GRM1: variants seen among roughly 807,000 people sequenced by gnomAD.
GRM1 encodes the protein metabotropic glutamate receptor 1.
GRM1 carries 33 observed loss-of-function variants against 90.9 expected under a neutral mutation model. The observed-to-expected ratio is 0.36, with a 90% CI of 0.28 to 0.49. The LOEUF (loss-of-function observed/expected upper bound fraction) is 0.49, where lower values mean the gene tolerates loss of function less well. GRM1 is among the 20% of genes least tolerant of loss of function. The pLI is 0.99. For missense variants in GRM1, 1,190 were observed against 1,534.3 expected (o/e 0.78, Z 3.75); for synonymous variants, 700 against 613.2 (o/e 1.14, Z -2.09).
At chr6:146,167,051 G>T (rs1777935352) in intron 2 of GRM1, among the ~76,000 whole-genome samples, 1 of 152,062 alleles carries the variant, frequency 6.6e-6, no homozygotes, top group Non-Finnish European at 1.5e-5. Context: ...GTACCGCCTT[G>T]CAGTCTCTCC....
chr6:146,261,398 C>A (rs1390546400), intron 2 of GRM1, among the ~76,000 whole-genome samples: 1 of 151,980 alleles, frequency 6.6e-6, no homozygotes, highest in African/African-American at 2.4e-5. Flanking sequence ...TAATCTGGAG[C>A]ATAGAGTGAA....
chr6:146,363,126 A>G (rs1419557341), intron 5 of GRM1, among the ~76,000 whole-genome samples: 1 of 152,164 alleles, frequency 6.6e-6, no homozygotes, highest in Non-Finnish European at 1.5e-5. Flanking sequence ...TATAATTTCT[A>G]ATAATATCCT....
upstream of GRM1, chr6:146,027,830 T>C (rs1294971939): frequency 6.6e-6 from 1 of 152,264 alleles, no homozygotes; most frequent in Non-Finnish European, 1.5e-5. Context: ...CAGACTCAGG[T>C]GAGCGGACAC....
At chr6:146,325,291 A>G (rs562467540) in intron 3 of GRM1, among the ~76,000 whole-genome samples, 2 of 152,342 alleles carry the variant, frequency 1.3e-5, no homozygotes, top group Non-Finnish European at 2.9e-5. Flanking sequence ...TTCTTTCTAC[A>G]GAGGGATACC....
intron 5 of GRM1, among the ~76,000 whole-genome samples, chr6:146,370,849 G>A (rs1010586967): frequency 5.3e-5 from 8 of 152,134 alleles, no homozygotes; most frequent in East Asian, 1.9e-4. Context: ...ATCAAGATTC[G>A]TGTAATTCTA....
chr6:146,092,046 C>G (rs140806081), intron 1 of GRM1, among the ~76,000 whole-genome samples: 1 of 152,030 alleles, frequency 6.6e-6, no homozygotes, highest in Non-Finnish European at 1.5e-5. Flanking sequence ...TCCCATTCCC[C>G]GAATGTCTTC....
chr6:146,053,564 T>C (rs1775375951), intron 1 of GRM1, among the ~76,000 whole-genome samples: 2 of 152,072 alleles, frequency 1.3e-5, no homozygotes, highest in South Asian at 2.1e-4. Flanking sequence ...TTTTCATGCA[T>C]GCTTGAAGGA....
chr6:146,122,125 A>G (rs1457846363), intron 1 of GRM1, among the ~76,000 whole-genome samples: 1 of 152,174 alleles, frequency 6.6e-6, no homozygotes, highest in Non-Finnish European at 1.5e-5. Flanking sequence ...ACAAGACCAT[A>G]ATGGTAAAGG....
intron 5 of GRM1, among the ~76,000 whole-genome samples, chr6:146,384,107 C>T (rs1776412433): frequency 6.6e-6 from 1 of 152,020 alleles, no homozygotes; most frequent in Admixed American, 6.6e-5. Context: ...TTTAAGAAGA[C>T]AGAATCAGAG....
At chr6:146,337,371 A>G (rs918170320) in intron 3 of GRM1, among the ~76,000 whole-genome samples, 1 of 152,252 alleles carries the variant, frequency 6.6e-6, no homozygotes, top group Non-Finnish European at 1.5e-5. Context: ...GGAAAATCAC[A>G]AGAGGCTATC....
At chr6:146,361,468 T>G (rs1291155610) in intron 5 of GRM1, among the ~76,000 whole-genome samples, 2 of 152,050 alleles carry the variant, frequency 1.3e-5, no homozygotes, top group Non-Finnish European at 2.9e-5. Context: ...GCTGTTTTCC[T>G]TGCTGTAGTG....
At chr6:146,138,870 C>A (rs935327374) in intron 1 of GRM1, among the ~76,000 whole-genome samples, 6 of 150,752 alleles carry the variant, frequency 4.0e-5, no homozygotes, top group African/African-American at 7.3e-5. Flanking sequence ...TACTAATTTG[C>A]GGTTTGATTT....
At chr6:146,120,618 A>G (rs187705579) in intron 1 of GRM1, among the ~76,000 whole-genome samples, 117 of 152,270 alleles carry the variant, frequency 7.7e-4, no homozygotes, top group African/African-American at 2.6e-3. Flanking sequence ...TCCCATCAAT[A>G]CCTAATTTAT....
intron 3 of GRM1, among the ~76,000 whole-genome samples, chr6:146,345,091 G>A (rs1213439849): frequency 5.3e-5 from 8 of 152,154 alleles, no homozygotes; most frequent in East Asian, 1.9e-4. Flanking sequence ...GATTACAGGC[G>A]TAAGCCACCA....
At chr6:146,185,843 C>T (rs1025847005) in intron 2 of GRM1, among the ~76,000 whole-genome samples, 6 of 152,284 alleles carry the variant, frequency 3.9e-5, no homozygotes, top group African/African-American at 1.4e-4. Flanking sequence ...GCCACTTAGG[C>T]TTAGAGAGAG....
At position 146,399,197 on chromosome 6, in the gene GRM1, C is replaced by T. The variant is rs1434297596; in HGVS notation, c.2158C>T (p.Leu720=). 6.2e-7 allele frequency: 1 copy of T among 1,614,070 alleles called. No homozygotes were observed. The highest frequency in any genetic ancestry group is 1.3e-5 in the African/African-American group (1 of 75,020). ...AATTCTGATTAGTGTGCAACTAACC[C>T]TGGTGGTAACCCTGATCATCATGGA... The part of the protein sequence containing the change: ...ASILISVQLT[L]VVTLIIMEPP... Residue 720 remains leucine (L), a synonymous_variant, in exon 7 of 8, where the codon CTG becomes TTG. Transcript: ENST00000282753. The surrounding 1 kb of genome is among the most constrained non-coding windows in gnomAD (Gnocchi z 5.4).
chr6:146,254,256 C>T (rs1263781618), intron 2 of GRM1, among the ~76,000 whole-genome samples: 2 of 151,890 alleles, frequency 1.3e-5, no homozygotes, highest in Non-Finnish European at 2.9e-5. Flanking sequence ...TGTTTTTCCT[C>T]TTTATGTGAC....
intron 2 of GRM1, among the ~76,000 whole-genome samples, chr6:146,229,560 A>G (rs1402953439): frequency 2.0e-5 from 3 of 151,970 alleles, no homozygotes; most frequent in African/African-American, 7.3e-5. Context: ...CCACTGAGTA[A>G]ACTTTCTTCA....
intron 1 of GRM1, among the ~76,000 whole-genome samples, chr6:146,056,616 T>G (rs1775490072): frequency 6.6e-6 from 1 of 152,126 alleles, no homozygotes; most frequent in Admixed American, 6.6e-5. Flanking sequence ...ACTCAGGGCC[T>G]TCTCATTTTT....
Sources: gnomAD v4.1 joint callset for allele counts (sites outside exome capture counted in the v4.1 genomes callset) on GRCh38, gnomAD v4.1.1 for gene constraint, Gnocchi (gnomAD v3.1) non-coding constraint, MANE v1.5 for transcripts, NCBI Gene and HGNC (gene_info 2026-07-23, HGNC 2026-07-21) for gene names.